The following LHFPL5 variants were observed in gnomAD, a reference collection of about 807,000 sequenced individuals.
LHFPL5 encodes LHFPL tetraspan subfamily member 5.
In LHFPL5, 12 loss-of-function variants were observed where a neutral mutation model predicts 18.7. The observed-to-expected ratio is 0.64, with a 90% confidence interval of 0.41 to 1.04. The LOEUF (loss-of-function observed/expected upper bound fraction) is 1.04, where lower values mean the gene tolerates loss of function less well. LHFPL5 is among the 50% of genes least tolerant of loss of function. The probability of loss-of-function intolerance (pLI) is 0.00; values close to 1 mark genes in which losing one functional copy is unlikely to be tolerated. For synonymous variants in LHFPL5, 111 were observed against 120.2 expected (o/e 0.92, Z 0.50); for missense variants, 259 against 292.1 (o/e 0.89, Z 0.83).
chr6:35,814,931 A>T lies in LHFPL5; in HGVS notation c.649+149A>T. 1.3e-6 allele frequency: 1 copy of T among 762,470 alleles called. No homozygotes were observed. The highest frequency in any genetic ancestry group is 1.7e-5 in the African/African-American group (1 of 58,768). The allele number at this position is 762,470 out of a possible 1,614,324, so 47.2% of individuals were successfully genotyped here. On this transcript the variant is annotated intron_variant, in intron 2 of 3. Transcript: ENST00000360215. The surrounding 1 kb of genome is among the most constrained non-coding windows in gnomAD (Gnocchi z 4.2). ...CAGACACACCCCTTGTCCTCCCTGA[A>T]ATCAAAGGCCAGTGGAGGGTTGCAA...
intron 2 of LHFPL5, among the ~76,000 whole-genome samples, chr6:35,815,818 T>A (rs1290089371): frequency 6.6e-6 from 1 of 152,140 alleles, no homozygotes; most frequent in Non-Finnish European, 1.5e-5. Flanking sequence ...AAGGAAGTGA[T>A]AGGAAACATT....
At chr6:35,817,586 G>A (rs1415305912) in intron 2 of LHFPL5, among the ~76,000 whole-genome samples, 2 of 152,106 alleles carry the variant, frequency 1.3e-5, no homozygotes, top group Admixed American at 1.3e-4. Flanking sequence ...TATACAAATG[G>A]CCAATTAGCA....
rs564510440 is a variant in LHFPL5 at position 35,814,453 on chromosome 6, G to A, written c.413-93G>A. 5.2e-5 allele frequency: 51 copies of A among 973,720 alleles called. No individual in the cohort carries two copies. The East Asian group carries it at 1.2e-3, about 22-fold the overall frequency. The allele number at this position is 973,720 out of a possible 1,614,324, so 60.3% of individuals were successfully genotyped here. On this transcript the variant is annotated intron_variant, in intron 1 of 3. Transcript: ENST00000360215. This position sits in a 1 kb window ranked among gnomAD's most constrained non-coding sequence, Gnocchi z 4.2. Reference sequence around the variant, plus strand: ...CTGAGGCTGTTAACAGAAGGAGAAGGGAGGTGACAACATAACAGCAGTGCA... The same window carrying A: ...CTGAGGCTGTTAACAGAAGGAGAAGAGAGGTGACAACATAACAGCAGTGCA...
At chr6:35,808,668 T>C (rs1244038252) in intron 1 of LHFPL5, among the ~76,000 whole-genome samples, 1 of 149,080 alleles carries the variant, frequency 6.7e-6, no homozygotes, top group Non-Finnish European at 1.5e-5. Flanking sequence ...TAGACCCTAA[T>C]ATGCTTGCCA....
intron 3 of LHFPL5, among the ~76,000 whole-genome samples, chr6:35,822,661 C>A (rs1243324134): frequency 2.0e-5 from 3 of 152,146 alleles, no homozygotes; most frequent in African/African-American, 4.8e-5. Context: ...GCACGTGCCA[C>A]CACGCCTGGC....
chr6:35,818,550 C>T (rs917596693), intron 2 of LHFPL5, among the ~76,000 whole-genome samples: 2 of 151,124 alleles, frequency 1.3e-5, no homozygotes, highest in East Asian at 1.9e-4. Context: ...TTTGTAGAGA[C>T]GGGGTTCCAC....
In LHFPL5 at chr6:35,814,870, G is replaced by A; in HGVS notation, c.649+88G>A. On this transcript the variant is annotated intron_variant, in intron 2 of 3. Transcript: ENST00000360215. The surrounding 1 kb of genome is among the most constrained non-coding windows in gnomAD (Gnocchi z 4.2). Reference sequence around the variant, plus strand: ...CATCTTAGCCAGTCCTCTAAGGCTTGGTCCCTGGCCAAGGGATGGGGACAC... The same window carrying A: ...CATCTTAGCCAGTCCTCTAAGGCTTAGTCCCTGGCCAAGGGATGGGGACAC... 3 of 1,222,324 alleles carry A rather than the reference G, an allele frequency of 2.5e-6. No individual in the cohort carries two copies. Among genetic ancestry groups the A allele is most frequent in the Non-Finnish European group, 3.6e-6 (3 of 825,326 alleles). The allele number at this position is 1,222,324 out of a possible 1,614,324, so 75.7% of individuals were successfully genotyped here. A position where few individuals can be genotyped will look rare whatever the true frequency, so the allele number is the denominator to read the frequency against.
At chr6:35,808,019 C>T (rs1768599690) in intron 1 of LHFPL5, among the ~76,000 whole-genome samples, 2 of 152,108 alleles carry the variant, frequency 1.3e-5, no homozygotes, top group African/African-American at 4.8e-5. Context: ...ATCTTGCACC[C>T]AGGCTACTCA....
chr6:35,815,466 G>A (rs1222843974), intron 2 of LHFPL5, among the ~76,000 whole-genome samples: 4 of 152,056 alleles, frequency 2.6e-5, no homozygotes, highest in Admixed American at 2.0e-4. Flanking sequence ...GCCTGTCTTG[G>A]GCTAATTTTT....
chr6:35,808,596 T>C (rs1207731064), intron 1 of LHFPL5, among the ~76,000 whole-genome samples: 2 of 129,370 alleles, frequency 1.5e-5, no homozygotes, highest in African/African-American at 6.3e-5. Flanking sequence ...TATATATATA[T>C]ATATATATAT....
In LHFPL5 at chr6:35,814,608, C is replaced by T. The variant is rs755791421; in HGVS notation, c.475C>T (p.Arg159Cys). ...TGGTTGGGACTCAAGTGAGGTGCGG[C>T]GCATGTGTGGGGAGCAGACGGGCAA... ...PDGWDSSEVR[R>C]MCGEQTGKYT... The change falls in exon 2 of 4, where the codon CGC (arginine) becomes TGC (cysteine). Residue 159 changes from arginine to cysteine, a missense_variant. Coordinates refer to ENST00000360215, the MANE Select transcript of LHFPL5 (RefSeq NM_182548.4). This position sits in a 1 kb window ranked among gnomAD's most constrained non-coding sequence, Gnocchi z 4.2. The T allele has an allele frequency of 1.9e-5, 31 of 1,614,040 alleles. No individual in the cohort carries two copies. Among genetic ancestry groups the T allele is most frequent in the South Asian group, 1.4e-4 (13 of 91,086 alleles).
chr6:35,805,975 C>A lies in LHFPL5; in HGVS notation c.305C>A (p.Ala102Asp). 6.2e-7 allele frequency: 1 copy of A among 1,614,238 alleles called. No homozygotes were observed. Among genetic ancestry groups the A allele is most frequent in the Non-Finnish European group, 8.5e-7 (1 of 1,180,044 alleles). ...TTCAAGACTGCCATGTTCTTTGTGG[C>A]CTTGGGCATGTTCCTCATCATTGGC... Reference protein sequence around the residue: ...RAFKTAMFFVALGMFLIIGSI... With the variant: ...RAFKTAMFFVDLGMFLIIGSI... The change falls in exon 1 of 4, where the codon GCC (alanine) becomes GAC (aspartate). Residue 102 changes from alanine (A) to aspartate (D), a missense_variant. Transcript: ENST00000360215. This position sits in a 1 kb window ranked among gnomAD's most constrained non-coding sequence, Gnocchi z 4.3.
rs117582857 is a variant in LHFPL5, at chr6:35,810,578, G to A, written c.413-3968G>A. Among the ~76,000 whole-genome samples, 253 of 152,200 alleles carry A rather than the reference G, an allele frequency of 1.7e-3. 6 individuals carry two copies. In the South Asian group the frequency reaches 0.025, roughly 15 times the overall value. On this transcript the variant is annotated intron_variant, in intron 1 of 3. Transcript: ENST00000360215. ...AAAAATACAAAAAAATTAGACAGGT[G>A]ACATAATCCAGGATGCAACTGGGAA...
chr6:35,812,359 G>A (rs1768679003), intron 1 of LHFPL5, among the ~76,000 whole-genome samples: 1 of 152,162 alleles, frequency 6.6e-6, no homozygotes, highest in East Asian at 1.9e-4. Context: ...GGACTAGAGA[G>A]CCTCCAGACC....
intron 1 of LHFPL5, among the ~76,000 whole-genome samples, chr6:35,812,399 A>AC (rs1048414529): frequency 1.3e-5 from 2 of 151,746 alleles, no homozygotes; most frequent in African/African-American, 4.8e-5. Flanking sequence ...TAAGGGGAGC[A>AC]CCCCCTGCCC....
intron 1 of LHFPL5, among the ~76,000 whole-genome samples, chr6:35,812,932 G>A (rs1220173583): frequency 6.6e-6 from 1 of 152,104 alleles, no homozygotes; most frequent in African/African-American, 2.4e-5. Context: ...GTACATGCCT[G>A]TAATCCCAGC....
intron 1 of LHFPL5, among the ~76,000 whole-genome samples, chr6:35,813,955 C>G (rs1768715403): frequency 6.6e-6 from 1 of 152,090 alleles, no homozygotes; most frequent in South Asian, 2.1e-4. Flanking sequence ...TACCACCACT[C>G]CCTGCTAATT....
intron 1 of LHFPL5, among the ~76,000 whole-genome samples, chr6:35,810,293 C>T (rs1768641888): frequency 6.6e-6 from 1 of 152,194 alleles, no homozygotes; most frequent in Admixed American, 6.5e-5. Flanking sequence ...CTGGGAGGAA[C>T]AAACATTCCA....
chr6:35,818,344 TATATGTA>T (rs1441695793), intron 2 of LHFPL5, among the ~76,000 whole-genome samples: 81 of 6,806 alleles, frequency 0.012, no homozygotes, highest in Non-Finnish European at 0.021. Context: ...TATATATATA[TATATGTA>T]TTTTTTTTTT....
Sources: gnomAD v4.1 joint callset for allele counts (sites outside exome capture counted in the v4.1 genomes callset) on GRCh38, gnomAD v4.1.1 for gene constraint, Gnocchi (gnomAD v3.1) non-coding constraint, MANE v1.5 for transcripts, NCBI Gene and HGNC (gene_info 2026-07-23, HGNC 2026-07-21) for gene names.